The following TLN2 variants were observed in gnomAD, a reference collection of about 807,000 sequenced individuals.
The protein encoded by TLN2 is talin 2, also known as talin-2.
In TLN2, 118 loss-of-function variants were observed where a neutral mutation model predicts 294.7. The ratio of observed to expected loss-of-function variants is 0.40; its 90% CI spans 0.34 to 0.47. The LOEUF (loss-of-function observed/expected upper bound fraction) is 0.47. Among genes scored for constraint, TLN2 ranks in the 20% least tolerant of loss-of-function variants. The pLI, the probability that TLN2 is intolerant of heterozygous loss-of-function variation, is 0.84. For synonymous variants in TLN2, 1,431 were observed against 1,304.5 expected, an observed-to-expected ratio of 1.10 and a Z score of -2.09; for missense variants, 3,083 against 3,282.2, an observed-to-expected ratio of 0.94 and a Z score of 1.48.
Position 62,757,403 on chromosome 15 carries a change from C to T in TLN2, c.4638+1710C>T, listed in dbSNP as rs564818370. On this transcript the variant is annotated intron_variant, in intron 37 of 58. Transcript: ENST00000636159. ...TTGACAGCAGTGACATCGTTGGTTGCTGTGTAATGAGCTTATCTCAGTTAA... is the reference window on the plus strand; with the variant it reads ...TTGACAGCAGTGACATCGTTGGTTGTTGTGTAATGAGCTTATCTCAGTTAA... Among the ~76,000 whole-genome samples the T allele has an allele frequency of 3.9e-5, 6 of 152,292 alleles. No individual in the cohort carries two copies. The East Asian group carries it at 5.8e-4, about 15-fold the overall frequency.
chr15:62,507,253 C>T (rs551501206), intron 1 of TLN2, among the ~76,000 whole-genome samples: 59 of 152,230 alleles, frequency 3.9e-4, no homozygotes, highest in African/African-American at 1.4e-3. Flanking sequence ...GATCGTGCTT[C>T]GAGGTTGGTT....
intron 28 of TLN2, among the ~76,000 whole-genome samples, chr15:62,732,837 G>C (rs1300109035): frequency 6.6e-6 from 1 of 152,160 alleles, no homozygotes; most frequent in East Asian, 1.9e-4. Context: ...TGAATCACTG[G>C]TGGGAACACA....
chr15:62,532,990 A>G (rs975824855), intron 1 of TLN2, among the ~76,000 whole-genome samples: 1 of 152,118 alleles, frequency 6.6e-6, no homozygotes, highest in African/African-American at 2.4e-5. Context: ...GCGATGGCTC[A>G]CACCTGTTAT....
chr15:62,740,894 G>A, intron 32 of TLN2, 125 bp downstream of exon 32: 1 of 1,261,094 alleles, frequency 7.9e-7, no homozygotes, highest in Non-Finnish European at 1.1e-6. Context: ...GGTCATGGGA[G>A]GTGGAGCTGA....
intron 1 of TLN2, among the ~76,000 whole-genome samples, chr15:62,545,518 G>GTGTGTGTGTGTGTA (rs1725324979): frequency 6.8e-6 from 1 of 146,672 alleles, no homozygotes; most frequent in Non-Finnish European, 1.5e-5. Context: ...TTCTCTTTGT[G>GTGTGTGTGTGTGTA]TGTGTGTGTG....
At chr15:62,461,239 T>G (rs1487942951) in intron 1 of TLN2, among the ~76,000 whole-genome samples, 1 of 152,190 alleles carries the variant, frequency 6.6e-6, no homozygotes, top group Non-Finnish European at 1.5e-5. Flanking sequence ...CCACCGCGTC[T>G]GGCCAGTTTT....
At position 62,771,014 on chromosome 15, in the gene TLN2, T is replaced by C. The variant is rs1376758961; in HGVS notation, c.5247T>C (p.Gly1749=). Residue 1749 remains glycine, a synonymous_variant, in exon 42 of 59, where the codon GGT becomes GGC. Coordinates refer to ENST00000636159, the MANE Select transcript of TLN2 (RefSeq NM_015059.3). ...YFEPLILAAV[G]VASKILDHQQ... Reference sequence around the variant, plus strand: ...AGCCCTTGATCTTAGCCGCAGTTGGTGTGGCCTCCAAGATTCTTGATCATC... The same window carrying C: ...AGCCCTTGATCTTAGCCGCAGTTGGCGTGGCCTCCAAGATTCTTGATCATC... 2 of 1,610,866 alleles carry C rather than the reference T, an allele frequency of 1.2e-6. No individual in the cohort carries two copies. The highest frequency in any genetic ancestry group is 2.2e-5 in the South Asian group (2 of 90,860).
chr15:62,476,238 G>A (rs2037776617), intron 1 of TLN2: 1 of 152,354 alleles, frequency 6.6e-6, no homozygotes, highest in African/African-American at 2.4e-5. Flanking sequence ...CTGAACCCCA[G>A]CAGTGTTGTT....
intron 54 of TLN2, 28 bp downstream of exon 54, chr15:62,820,638 C>T (rs905536807): frequency 3.7e-5 from 59 of 1,604,696 alleles, no homozygotes; most frequent in East Asian, 8.9e-5. Context: ...GTTGGCTGTC[C>T]GATGTCAGTG....
intron 48 of TLN2, among the ~76,000 whole-genome samples, chr15:62,798,414 G>A (rs964126703): frequency 6.6e-6 from 1 of 152,096 alleles, no homozygotes; most frequent in East Asian, 1.9e-4. Context: ...TGCACATGCG[G>A]CACAGCTCTT....
At chr15:62,404,690 C>T (rs2033274857) in intron 1 of TLN2, among the ~76,000 whole-genome samples, 1 of 149,278 alleles carries the variant, frequency 6.7e-6, no homozygotes, top group Non-Finnish European at 1.5e-5. Context: ...CGAGGTCATG[C>T]ATGCTGGATC....
chr15:62,703,139 G>T lies in TLN2; in HGVS notation c.2004+275G>T, dbSNP rs564729805. ...TTTTTTTAAATTAGAGTCTCACTCT[G>T]TTGCCCAGGCTGGAGTGCAGTGGCG... On this transcript the variant is annotated intron_variant, in intron 19 of 58. Transcript: ENST00000636159. Among the ~76,000 whole-genome samples the T allele has an allele frequency of 2.8e-3, 418 of 146,974 alleles. 3 individuals are homozygous for T. The highest frequency in any genetic ancestry group is 0.01 in the Middle Eastern group (3 of 290).
At chr15:62,615,893 C>G (rs1262186554) in intron 2 of TLN2, among the ~76,000 whole-genome samples, 1 of 152,098 alleles carries the variant, frequency 6.6e-6, no homozygotes, top group Non-Finnish European at 1.5e-5. Context: ...TGTTCAGACT[C>G]CTGCTAAGAT....
intron 1 of TLN2, among the ~76,000 whole-genome samples, chr15:62,504,844 T>A (rs75613064): frequency 0.1 from 14,442 of 141,320 alleles, 728 homozygotes; most frequent in African/African-American, 0.12. Context: ...TGTGTGTGTG[T>A]GTGAGAGAGA....
chr15:62,644,790 G>C, intron 3 of TLN2: 1 of 345,858 alleles, frequency 2.9e-6, no homozygotes. Flanking sequence ...TTTGGCTCTC[G>C]GGTCCATGTC....
At chr15:62,610,906 G>A (rs546547865) in intron 2 of TLN2, among the ~76,000 whole-genome samples, 1 of 152,136 alleles carries the variant, frequency 6.6e-6, no homozygotes, top group Admixed American at 6.5e-5. Flanking sequence ...CTTGAAACCC[G>A]TGATTCACAC....
intron 3 of TLN2, chr15:62,644,670 C>T (rs1015449596): frequency 9.0e-6 from 4 of 443,012 alleles, no homozygotes; most frequent in African/African-American, 2.0e-5. Context: ...CTTGCTGTGC[C>T]CTGCAGGGCT....
chr15:62,664,750 C>G (rs969937835), intron 9 of TLN2, among the ~76,000 whole-genome samples: 1 of 146,718 alleles, frequency 6.8e-6, no homozygotes, highest in African/African-American at 2.5e-5. Flanking sequence ...CCCAGCTACT[C>G]GGGAGGCTGA....
At position 62,841,198 on chromosome 15, in the gene TLN2, TA is replaced by T. The variant is rs1277088618; in HGVS notation, c.*590del. On this transcript the variant is annotated 3_prime_UTR_variant, in exon 59 of 59. Coordinates refer to ENST00000636159, the MANE Select transcript of TLN2 (RefSeq NM_015059.3). ...TTGCACGCTTTCTTGCCTCCGTGTG[TA>T]AGCTCCTTGTACAACCCAGACCCAT... 1 of 152,864 alleles carries T rather than the reference TA, an allele frequency of 6.5e-6. No homozygotes were observed. Among genetic ancestry groups the T allele is most frequent in the African/African-American group, 2.4e-5 (1 of 41,462 alleles). The allele number at this position is 152,864 out of a possible 1,614,324, so 9.5% of individuals were successfully genotyped here.
Sources: allele counts gnomAD v4.1 joint callset (sites outside exome capture counted in the v4.1 genomes callset), GRCh38; gene constraint gnomAD v4.1.1; transcripts MANE v1.5; gene names NCBI Gene and HGNC (gene_info 2026-07-23, HGNC 2026-07-21).